The following KAZN variants were observed in gnomAD, a reference collection of about 807,000 sequenced individuals.
KAZN encodes the protein kazrin.
KAZN carries 40 observed loss-of-function variants against 87.4 expected under a neutral mutation model. That is an observed-to-expected ratio of 0.46 (90% CI 0.36 to 0.60). The LOEUF (loss-of-function observed/expected upper bound fraction) is 0.60, where lower values mean the gene tolerates loss of function less well. Among genes scored for constraint, KAZN ranks in the 20% least tolerant of loss-of-function variants. The pLI is 0.00. For missense variants in KAZN, 898 were observed against 1,073.9 expected (o/e 0.84, Z 2.29); for synonymous variants, 466 against 458.3 (o/e 1.02, Z -0.22).
intron 2 of KAZN, among the ~76,000 whole-genome samples, chr1:14,247,674 T>C (rs1007180576): frequency 6.6e-6 from 1 of 152,226 alleles, no homozygotes; most frequent in African/African-American, 2.4e-5. Context: ...AATGAGACCA[T>C]TCAAGGTGTG....
At chr1:13,947,489 G>T (rs1641190267) in intron 1 of KAZN, among the ~76,000 whole-genome samples, 1 of 152,086 alleles carries the variant, frequency 6.6e-6, no homozygotes, top group Non-Finnish European at 1.5e-5. Flanking sequence ...ATGAGATTTG[G>T]GTGGGGACGC....
intron 1 of KAZN, among the ~76,000 whole-genome samples, chr1:13,920,978 A>G (rs1020654315): frequency 1.3e-5 from 2 of 152,166 alleles, no homozygotes; most frequent in African/African-American, 2.4e-5. Flanking sequence ...TGCACATAGC[A>G]TCTGGAAAGG....
intron 2 of KAZN, among the ~76,000 whole-genome samples, chr1:14,310,056 G>C (rs895407595): frequency 6.6e-6 from 1 of 152,156 alleles, no homozygotes; most frequent in Non-Finnish European, 1.5e-5. Flanking sequence ...GGCATTGGAT[G>C]GGGTTGGAGC....
At chr1:14,846,735 C>A (rs1024074900) in intron 1 of KAZN, among the ~76,000 whole-genome samples, 2 of 152,156 alleles carry the variant, frequency 1.3e-5, no homozygotes, top group Admixed American at 1.3e-4. Context: ...TAACACTTAC[C>A]ACAGTGATCA....
At chr1:14,221,776 A>T (rs1647104699) in intron 2 of KAZN, 1 of 152,214 alleles carries the variant, frequency 6.6e-6, no homozygotes, top group Non-Finnish European at 1.5e-5. Context: ...TGATATGGAT[A>T]ATCAAGAATG....
chr1:14,118,786 G>T (rs558467208), intron 1 of KAZN, among the ~76,000 whole-genome samples: 80 of 152,282 alleles, frequency 5.3e-4, no homozygotes, highest in African/African-American at 1.9e-3. Context: ...ATTGGATCAT[G>T]GTGGATTGCA....
chr1:14,061,100 G>A (rs1642775470), intron 1 of KAZN, among the ~76,000 whole-genome samples: 2 of 152,226 alleles, frequency 1.3e-5, no homozygotes, highest in Admixed American at 1.3e-4. Context: ...CAGGGTGGGA[G>A]AGGAGATTAA....
chr1:15,002,731 TTTGGGAGGCCAAGGCAGGCA>T (rs1334165906), intron 2 of KAZN, among the ~76,000 whole-genome samples: 1 of 152,020 alleles, frequency 6.6e-6, no homozygotes, highest in African/African-American at 2.4e-5. Context: ...ATCCCAGCAC[TTTGGGAGGCCAAGGCAGGCA>T]GATCACTTGA....
chr1:14,095,542 G>T (rs1644108145), intron 1 of KAZN, among the ~76,000 whole-genome samples: 1 of 152,178 alleles, frequency 6.6e-6, no homozygotes, highest in Admixed American at 6.5e-5. Context: ...TGGGGATCCA[G>T]GTTGGAAGAC....
chr1:14,363,155 A>T (rs1372787516), intron 2 of KAZN, among the ~76,000 whole-genome samples: 1 of 152,234 alleles, frequency 6.6e-6, no homozygotes, highest in African/African-American at 2.4e-5. Context: ...TGCCCATAAA[A>T]GTCCTCATCA....
chr1:14,584,474 T>C (rs1463077094), intron 2 of KAZN, among the ~76,000 whole-genome samples: 1 of 152,204 alleles, frequency 6.6e-6, no homozygotes. Flanking sequence ...AAGTCAGCTC[T>C]GCCTCTAGAC....
intron 2 of KAZN, among the ~76,000 whole-genome samples, chr1:14,588,408 C>A (rs554057111): frequency 2.6e-5 from 4 of 152,294 alleles, no homozygotes; most frequent in Middle Eastern, 3.4e-3. Flanking sequence ...TGAATTAAAA[C>A]GCTAGCAACA....
intron 2 of KAZN, among the ~76,000 whole-genome samples, chr1:14,457,857 G>T (rs994564142): frequency 6.8e-6 from 1 of 146,638 alleles, no homozygotes; most frequent in African/African-American, 2.5e-5. Flanking sequence ...TCGCTGTGTC[G>T]CCCAGGCTGG....
At chr1:14,480,523 G>C (rs922775005) in intron 2 of KAZN, among the ~76,000 whole-genome samples, 5 of 148,722 alleles carry the variant, frequency 3.4e-5, no homozygotes, top group Admixed American at 2.7e-4. Flanking sequence ...AAATATTCTA[G>C]TGTATATATA....
chr1:14,308,600 C>G (rs894090561), intron 2 of KAZN, among the ~76,000 whole-genome samples: 1 of 152,066 alleles, frequency 6.6e-6, no homozygotes, highest in Non-Finnish European at 1.5e-5. Context: ...ATTGTACTGC[C>G]TGGTGTAAAT....
rs577395214 is a variant in KAZN, at chr1:14,379,998, C to T, written c.249+199406C>T. The stretch of plus-strand genomic sequence containing the variant: ...GGGCACAGAGGTGTTTATATCACCC[C>T]ACCTCCAGCTCCAGACAGCTCAGAA... On this transcript the variant is annotated intron_variant, in intron 2 of 16. Transcript: ENST00000636203. Among the ~76,000 whole-genome samples, 30 of 152,302 alleles carry T rather than the reference C, an allele frequency of 2.0e-4. 1 individual carries two copies. The South Asian group carries it at 5.4e-3, about 27-fold the overall frequency.
chr1:14,447,430 G>A (rs922394664), intron 2 of KAZN, among the ~76,000 whole-genome samples: 15 of 151,554 alleles, frequency 9.9e-5, no homozygotes, highest in Non-Finnish European at 2.1e-4. Context: ...TAGTAGAGAC[G>A]GGGTTTCACC....
intron 1 of KAZN, among the ~76,000 whole-genome samples, chr1:13,920,410 G>A (rs758009230): frequency 3.3e-5 from 5 of 152,028 alleles, no homozygotes; most frequent in Non-Finnish European, 7.4e-5. Context: ...ATTACTTTGG[G>A]GTATCAGGTT....
intron 1 of KAZN, among the ~76,000 whole-genome samples, chr1:14,180,198 T>A: frequency 6.6e-6 from 1 of 152,164 alleles, no homozygotes. Flanking sequence ...CAGGCTTTGC[T>A]CACAAGTGTA....
Sources: allele counts gnomAD v4.1 joint callset (sites outside exome capture counted in the v4.1 genomes callset), GRCh38; gene constraint gnomAD v4.1.1; transcripts MANE v1.5; gene names NCBI Gene and HGNC (gene_info 2026-07-23, HGNC 2026-07-21).